PRKG1: variants seen among roughly 807,000 people sequenced by gnomAD.
PRKG1 encodes protein kinase cGMP-dependent 1, also known as cGMP-dependent protein kinase 1.
Under a neutral mutation model 88.1 loss-of-function variants are expected in PRKG1, and 35 were observed. That is an observed-to-expected ratio of 0.40 (90% CI 0.30 to 0.53). The LOEUF (loss-of-function observed/expected upper bound fraction) is 0.53, where lower values mean the gene tolerates loss of function less well. Ranked by LOEUF, PRKG1 falls within the 20% of genes least tolerant of loss-of-function variation. PRKG1 has a pLI of 0.59. For missense variants in PRKG1, 540 were observed against 839.8 expected (o/e 0.64, Z 4.41); for synonymous variants, 303 against 292.5 (o/e 1.04, Z -0.37).
intron 5 of PRKG1, among the ~76,000 whole-genome samples, chr10:51,947,419 G>A (rs1793427031): frequency 6.6e-6 from 1 of 152,160 alleles, no homozygotes; most frequent in Admixed American, 6.5e-5. Flanking sequence ...CACTTCCCAA[G>A]TGAGGCAATG....
chr10:52,217,805 GGC>G (rs1387644435), intron 9 of PRKG1, among the ~76,000 whole-genome samples: 1 of 152,096 alleles, frequency 6.6e-6, no homozygotes, highest in African/African-American at 2.4e-5. Context: ...ATGACACTGT[GGC>G]TAGCCTTTCT....
At chr10:51,759,778 GTGTGTGTGTGTGTT>G (rs991629249) in intron 3 of PRKG1, among the ~76,000 whole-genome samples, 1 of 152,066 alleles carries the variant, frequency 6.6e-6, no homozygotes, top group African/African-American at 2.4e-5. Flanking sequence ...GTGTGTATGT[GTGTGTGTGTGTGTT>G]TGTGTGTGTG....
At chr10:51,262,641 G>A (rs1173477882) in intron 2 of PRKG1, among the ~76,000 whole-genome samples, 1 of 152,198 alleles carries the variant, frequency 6.6e-6, no homozygotes, top group Non-Finnish European at 1.5e-5. Flanking sequence ...AAAGAAAAGA[G>A]GTTTAATTGA....
chr10:51,986,937 A>AT (rs975267499), intron 5 of PRKG1, among the ~76,000 whole-genome samples: 4 of 151,434 alleles, frequency 2.6e-5, no homozygotes, highest in African/African-American at 7.3e-5. Flanking sequence ...GTCTGTCAAG[A>AT]TTTTTTTTTC....
intron 1 of PRKG1, among the ~76,000 whole-genome samples, chr10:51,013,682 G>C (rs1191003675): frequency 1.3e-5 from 2 of 152,116 alleles, no homozygotes; most frequent in African/African-American, 4.8e-5. Context: ...GAGCCACTGC[G>C]CCCGGCCCTG....
intron 7 of PRKG1, among the ~76,000 whole-genome samples, chr10:52,095,390 A>G (rs1007660609): frequency 1.3e-5 from 2 of 152,076 alleles, no homozygotes; most frequent in African/African-American, 2.4e-5. Context: ...CCTGGTCTCT[A>G]TATTGTTTCC....
chr10:51,148,066 A>G (rs75763434), intron 1 of PRKG1, among the ~76,000 whole-genome samples: 3,578 of 152,244 alleles, frequency 0.024, 68 homozygotes, highest in Middle Eastern at 0.054. Context: ...AGGACTACCA[A>G]TTTTCTTTCT....
rs150217656 is a variant in PRKG1, at chr10:51,870,488, A to G, written c.699-37019A>G. 5.2e-3 allele frequency among the ~76,000 whole-genome samples: 785 copies of G among 151,790 alleles called. 2 individuals are homozygous for G. The highest frequency in any genetic ancestry group is 0.018 in the African/African-American group (725 of 41,406). On this transcript the variant is annotated intron_variant, in intron 4 of 17. Coordinates refer to ENST00000373980, the MANE Select transcript of PRKG1 (RefSeq NM_006258.4). ...AGGAGATACTTTTTAGGGCCCCACC[A>G]TCTCCATCCCTAACTGCAATTAATC...
chr10:51,999,215 C>G (rs1844531147), intron 5 of PRKG1, among the ~76,000 whole-genome samples: 1 of 152,208 alleles, frequency 6.6e-6, no homozygotes, highest in Non-Finnish European at 1.5e-5. Context: ...ATACAGCTTA[C>G]TACCCTTTAC....
In PRKG1 at chr10:52,040,838, T is replaced by TTC. The variant is rs1845738316; in HGVS notation, c.763-13645_763-13644insCT. ...TTTGTCATAAATGGCTTTTCTTTTTTTTTTTTTTTTTTTTTGAGATGGGAG... is the reference window on the plus strand; with the variant it reads ...TTTGTCATAAATGGCTTTTCTTTTTTTCTTTTTTTTTTTTTTTGAGATGGGAG... On this transcript the variant is annotated intron_variant, in intron 5 of 17. Coordinates refer to ENST00000373980, the MANE Select transcript of PRKG1 (RefSeq NM_006258.4). Among the ~76,000 whole-genome samples the TTC allele has an allele frequency of 2.8e-5, 4 of 142,640 alleles. No individual in the cohort carries two copies. The South Asian group carries it at 9.4e-4, about 33-fold the overall frequency. The allele number at this position is 142,640 out of a possible 152,430, so 93.6% of individuals were successfully genotyped here. A position where few individuals can be genotyped will look rare whatever the true frequency, so the allele number is the denominator to read the frequency against.
intron 3 of PRKG1, among the ~76,000 whole-genome samples, chr10:51,575,051 G>T (rs12246830): frequency 0.074 from 11,215 of 151,958 alleles, 1,383 homozygotes; most frequent in African/African-American, 0.25. Flanking sequence ...TACTTTAAAA[G>T]CTGGTAGCTT....
Position 51,742,712 on chromosome 10 carries a change from T to A in PRKG1, c.593-61873T>A, listed in dbSNP as rs376006561. On this transcript the variant is annotated intron_variant, in intron 3 of 17. Coordinates refer to ENST00000373980, the MANE Select transcript of PRKG1 (RefSeq NM_006258.4). ...GGGAAACTAATTCCAGGTGTAAAGG[T>A]GTAGTATGGGTTTATGTATGTTGGC... Among the ~76,000 whole-genome samples the A allele has an allele frequency of 2.6e-5, 4 of 151,968 alleles. No homozygotes were observed. The East Asian group carries it at 5.8e-4, about 22-fold the overall frequency.
At chr10:52,181,431 T>G (rs1461580216) in intron 9 of PRKG1, among the ~76,000 whole-genome samples, 1 of 148,220 alleles carries the variant, frequency 6.7e-6, no homozygotes, top group Non-Finnish European at 1.5e-5. Flanking sequence ...TTTTTTTTTT[T>G]TTTTTTTTTT....
intron 3 of PRKG1, among the ~76,000 whole-genome samples, chr10:51,653,385 T>A (rs1840087469): frequency 6.6e-6 from 1 of 152,192 alleles, no homozygotes; most frequent in Admixed American, 6.5e-5. Context: ...CTTTTGTCTT[T>A]TTTGATAGTA....
chr10:51,586,369 G>A (rs7918240), intron 3 of PRKG1, among the ~76,000 whole-genome samples: 10,519 of 152,112 alleles, frequency 0.069, 1,197 homozygotes, highest in African/African-American at 0.24. Context: ...AGCATTTCAG[G>A]GAAAAAGTAG....
chr10:52,041,618 C>T (rs764935170), intron 5 of PRKG1, among the ~76,000 whole-genome samples: 20 of 152,182 alleles, frequency 1.3e-4, no homozygotes, highest in South Asian at 6.2e-4. Context: ...TTTTCTTAGA[C>T]GGGAGATTGG....
chr10:51,510,324 T>C (rs1264691685), intron 3 of PRKG1, among the ~76,000 whole-genome samples: 4 of 152,310 alleles, frequency 2.6e-5, no homozygotes, highest in Non-Finnish European at 5.9e-5. Context: ...TATTTCTACG[T>C]TTTCCTTGGT....
At chr10:51,672,610 C>T (rs1304768897) in intron 3 of PRKG1, among the ~76,000 whole-genome samples, 1 of 151,956 alleles carries the variant, frequency 6.6e-6, no homozygotes, top group African/African-American at 2.4e-5. Context: ...TTTTCTGACT[C>T]CTTCATGTGG....
At chr10:52,270,616 A>G (rs1403288932) in intron 10 of PRKG1, among the ~76,000 whole-genome samples, 1 of 151,454 alleles carries the variant, frequency 6.6e-6, no homozygotes, top group African/African-American at 2.4e-5. Context: ...AAACTATCGC[A>G]AGGACCAAAA....
Sources: allele counts gnomAD v4.1 joint callset (sites outside exome capture counted in the v4.1 genomes callset), GRCh38; gene constraint gnomAD v4.1.1; transcripts MANE v1.5; gene names NCBI Gene and HGNC (gene_info 2026-07-23, HGNC 2026-07-21).